Variants in ARHGAP10 observed in about 807,000 individuals in gnomAD.
ARHGAP10 encodes rho GTPase-activating protein 10.
In ARHGAP10, 87 loss-of-function variants were observed where a neutral mutation model predicts 108.6. The ratio of observed to expected loss-of-function variants is 0.80; its 90% CI spans 0.67 to 0.96. ARHGAP10 has a LOEUF of 0.96. ARHGAP10 is among the 40% of genes least tolerant of loss of function. The pLI, the probability that ARHGAP10 is intolerant of heterozygous loss-of-function variation, is 0.00. For synonymous variants in ARHGAP10, 347 were observed against 341.1 expected (o/e 1.02, Z -0.19); for missense variants, 939 against 954.5 (o/e 0.98, Z 0.21).
At position 148,072,232 on chromosome 4, in the gene ARHGAP10, GGT is replaced by G; in HGVS notation, c.*153_*154del. ...ATCACAGTCAGCCCTGGGGGTGGGG[GGT>G]GGTGGGCAGGGATGGGACGCACCAC... On this transcript the variant is annotated 3_prime_UTR_variant, in exon 23 of 23. Transcript: ENST00000336498. 1.9e-6 allele frequency: 1 copy of G among 535,090 alleles called. No homozygotes were observed. Among genetic ancestry groups the G allele is most frequent in the Non-Finnish European group, 3.2e-6 (1 of 310,930 alleles). The allele number at this position is 535,090 out of a possible 1,614,324, so 33.1% of individuals were successfully genotyped here. A position where few individuals can be genotyped will look rare whatever the true frequency, so the allele number is the denominator to read the frequency against.
intron 18 of ARHGAP10, among the ~76,000 whole-genome samples, chr4:148,007,242 A>T (rs970928515): frequency 2.6e-5 from 4 of 152,232 alleles, no homozygotes; most frequent in Non-Finnish European, 5.9e-5. Context: ...GGAAAGAGAT[A>T]ATCAGAATAA....
chr4:147,854,901 A>G lies in ARHGAP10; in HGVS notation c.385-2652A>G, dbSNP rs1009007283. The stretch of plus-strand genomic sequence containing the variant: ...TAAATTCTTTCTTCATAAAGGCTTG[A>G]TGTCTCCTTTTTCTTTCATTCCCAA... On this transcript the variant is annotated intron_variant, in intron 4 of 22. Transcript: ENST00000336498. 1.7e-4 allele frequency: 163 copies of G among 980,118 alleles called. No individual in the cohort carries two copies. In the African/African-American group the frequency reaches 2.6e-3, roughly 16 times the overall value. The allele number at this position is 980,118 out of a possible 1,614,324, so 60.7% of individuals were successfully genotyped here.
chr4:147,840,475 G>A (rs902522733), intron 3 of ARHGAP10, among the ~76,000 whole-genome samples: 1 of 151,982 alleles, frequency 6.6e-6, no homozygotes. Flanking sequence ...TACCCCAGTT[G>A]GAAATGGCTG....
intron 1 of ARHGAP10, among the ~76,000 whole-genome samples, chr4:147,759,093 AT>A (rs1003723265): frequency 2.4e-4 from 36 of 152,178 alleles, no homozygotes; most frequent in African/African-American, 8.4e-4. Context: ...TAAGTAACAC[AT>A]GGTAGATACA....
chr4:147,935,783 AGT>A lies in ARHGAP10; in HGVS notation c.1229-4039_1229-4038del, dbSNP rs138165222. ...GAAATAGAAAATCGAACAAGACTTG[AGT>A]GTATGTATTTTACGTGCGATTTCCA... On this transcript the variant is annotated intron_variant, in intron 13 of 22. Transcript: ENST00000336498. Among the ~76,000 whole-genome samples the A allele has an allele frequency of 4.8e-4, 73 of 152,306 alleles. 2 individuals carry two copies. The East Asian group carries it at 0.013, about 28-fold the overall frequency.
chr4:148,003,499 G>A (rs1740817815), intron 18 of ARHGAP10, among the ~76,000 whole-genome samples: 1 of 152,088 alleles, frequency 6.6e-6, no homozygotes, highest in Non-Finnish European at 1.5e-5. Context: ...TCTGTCTAAT[G>A]TTGACAGTGG....
intron 18 of ARHGAP10, among the ~76,000 whole-genome samples, chr4:147,993,323 C>T (rs1740349950): frequency 6.6e-6 from 1 of 152,162 alleles, no homozygotes; most frequent in Non-Finnish European, 1.5e-5. Context: ...TAAGATTGGT[C>T]ATGAGTTAGT....
intron 4 of ARHGAP10, among the ~76,000 whole-genome samples, chr4:147,856,340 A>G (rs1413903389): frequency 1.3e-5 from 2 of 152,206 alleles, no homozygotes; most frequent in African/African-American, 4.8e-5. Flanking sequence ...CTGTTGACCT[A>G]TTGATACGTA....
intron 1 of ARHGAP10, among the ~76,000 whole-genome samples, chr4:147,795,935 C>T (rs550546736): frequency 1.3e-5 from 2 of 152,136 alleles, no homozygotes; most frequent in African/African-American, 2.4e-5. Context: ...CCTCGTGATC[C>T]GCCCACCTCG....
intron 1 of ARHGAP10, among the ~76,000 whole-genome samples, chr4:147,754,387 T>G (rs1482405425): frequency 6.6e-6 from 1 of 152,204 alleles, no homozygotes; most frequent in African/African-American, 2.4e-5. Flanking sequence ...GAAAGCTGTT[T>G]TGGCCTTAGT....
At position 148,034,110 on chromosome 4, in the gene ARHGAP10, A is replaced by G. The variant is rs142555533; in HGVS notation, c.1867+10697A>G. Among the ~76,000 whole-genome samples, 149 of 152,330 alleles carry G rather than the reference A, an allele frequency of 9.8e-4. 1 individual carries two copies. In the East Asian group the frequency reaches 0.018, roughly 19 times the overall value. ...GTTTTTGCCTGGAACAACTGAGTTAATGGATGTAAACCAGCCAATATATGG... is the reference window on the plus strand; with the variant it reads ...GTTTTTGCCTGGAACAACTGAGTTAGTGGATGTAAACCAGCCAATATATGG... On this transcript the variant is annotated intron_variant, in intron 19 of 22. Transcript: ENST00000336498.
At position 147,784,816 on chromosome 4, in the gene ARHGAP10, A is replaced by AAAATATATATTAT. The variant is rs1560756934; in HGVS notation, c.155-37902_155-37890dup. Among the ~76,000 whole-genome samples the AAAATATATATTAT allele has an allele frequency of 5.4e-4, 14 of 25,924 alleles. 3 individuals carry two copies. The highest frequency in any genetic ancestry group is 1.2e-3 in the Non-Finnish European group (7 of 5,760). 17.0% of individuals were successfully genotyped at this position (25,924 alleles called of 152,430 possible). A position where few individuals can be genotyped will look rare whatever the true frequency, so the allele number is the denominator to read the frequency against. On this transcript the variant is annotated intron_variant, in intron 1 of 22. Transcript: ENST00000336498. ...ATATATTATAAATATAATATATTAT[A>AAAATATATATTAT]AAATATATATTATAAATATATTATA...
chr4:147,866,627 C>T lies in ARHGAP10; in HGVS notation c.598-85C>T, dbSNP rs1480294704. ...TTTCAGTGGAATAACAGTGAGATGG[C>T]GGGGGGAACACTTGGTTGTTTATAT... On this transcript the variant is annotated intron_variant, in intron 6 of 22. Transcript: ENST00000336498. 54 of 917,604 alleles carry T rather than the reference C, an allele frequency of 5.9e-5. No individual in the cohort carries two copies. In the East Asian group the frequency reaches 9.5e-4, roughly 16 times the overall value. The allele number at this position is 917,604 out of a possible 1,614,324, so 56.8% of individuals were successfully genotyped here. A position where few individuals can be genotyped will look rare whatever the true frequency, so the allele number is the denominator to read the frequency against.
At chr4:147,912,524 AAAC>A (rs1031899802) in intron 12 of ARHGAP10, among the ~76,000 whole-genome samples, 1 of 142,888 alleles carries the variant, frequency 7.0e-6, no homozygotes, top group African/African-American at 2.7e-5. Context: ...CTCAAAACAA[AAAC>A]AAAAAACAAA....
At chr4:147,952,481 C>T (rs932029956) in intron 15 of ARHGAP10, among the ~76,000 whole-genome samples, 3 of 152,030 alleles carry the variant, frequency 2.0e-5, no homozygotes, top group African/African-American at 7.2e-5. Context: ...TTTCATTGTG[C>T]TTTTAGTTTG....
chr4:147,987,130 A>G (rs376133028), intron 18 of ARHGAP10, among the ~76,000 whole-genome samples: 47 of 152,382 alleles, frequency 3.1e-4, no homozygotes, highest in African/African-American at 1.1e-3. Flanking sequence ...GGAAAGATAA[A>G]CATGGAGTAT....
chr4:147,758,526 G>A (rs1177029152), intron 1 of ARHGAP10, among the ~76,000 whole-genome samples: 1 of 152,116 alleles, frequency 6.6e-6, no homozygotes, highest in Non-Finnish European at 1.5e-5. Context: ...TGATGCTGAT[G>A]ATAACAGGTC....
intron 1 of ARHGAP10, among the ~76,000 whole-genome samples, chr4:147,754,710 G>A (rs1166225699): frequency 1.3e-5 from 2 of 151,930 alleles, no homozygotes; most frequent in East Asian, 3.9e-4. Flanking sequence ...TTAACATAAA[G>A]CAAAATAACA....
chr4:147,975,669 A>G (rs572736481), intron 18 of ARHGAP10, among the ~76,000 whole-genome samples: 1 of 152,284 alleles, frequency 6.6e-6, no homozygotes, highest in South Asian at 2.1e-4. Context: ...TTACAAACCT[A>G]TGCCTGAGAT....
Sources: allele counts gnomAD v4.1 joint callset (sites outside exome capture counted in the v4.1 genomes callset), GRCh38; gene constraint gnomAD v4.1.1; transcripts MANE v1.5; gene names NCBI Gene and HGNC (gene_info 2026-07-23, HGNC 2026-07-21).